The following ATP8A1 variants were observed in gnomAD, a reference collection of about 807,000 sequenced individuals.
ATP8A1 encodes the protein ATPase phospholipid transporting 8A1, also known as phospholipid-transporting ATPase IA.
Under a neutral mutation model 177.7 loss-of-function variants are expected in ATP8A1, and 90 were observed. The observed-to-expected ratio is 0.51, with a 90% CI of 0.43 to 0.60. The LOEUF is 0.60. ATP8A1 is among the 20% of genes least tolerant of loss of function. ATP8A1 has a pLI of 0.00. For synonymous variants in ATP8A1, 493 were observed against 485.9 expected (o/e 1.01, Z -0.19); for missense variants, 1,072 against 1,392.8 (o/e 0.77, Z 3.67).
chr4:42,444,935 A>C (rs1389916323), intron 31 of ATP8A1, among the ~76,000 whole-genome samples: 1 of 152,140 alleles, frequency 6.6e-6, no homozygotes, highest in Non-Finnish European at 1.5e-5. Flanking sequence ...TTTTTGTACA[A>C]TTCATGAACA....
At chr4:42,443,717 G>C (rs41265687) in intron 32 of ATP8A1, 45 bp from the exon 33 acceptor site, 1 of 834,578 alleles carries the variant, frequency 1.2e-6, no homozygotes, top group Non-Finnish European at 2.1e-6. Flanking sequence ...TATGTAGACC[G>C]AGTACACAAA....
At chr4:42,600,183 C>G (rs984907097) in intron 6 of ATP8A1, among the ~76,000 whole-genome samples, 4 of 151,628 alleles carry the variant, frequency 2.6e-5, no homozygotes, top group African/African-American at 9.7e-5. Context: ...ATGAGTAAAG[C>G]AAAAAATTAC....
chr4:42,428,163 C>T (rs1374242476), intron 33 of ATP8A1, among the ~76,000 whole-genome samples: 2 of 152,212 alleles, frequency 1.3e-5, no homozygotes, highest in Non-Finnish European at 2.9e-5. Context: ...TGTTAGCATA[C>T]AAACACCCTC....
At chr4:42,513,702 G>T (rs542402842) in intron 22 of ATP8A1, among the ~76,000 whole-genome samples, 1 of 152,312 alleles carries the variant, frequency 6.6e-6, no homozygotes, top group African/African-American at 2.4e-5. Flanking sequence ...AATGGAAATG[G>T]AAAGGTCTGT....
chr4:42,621,682 T>G (rs939864622), intron 4 of ATP8A1, among the ~76,000 whole-genome samples: 4 of 152,226 alleles, frequency 2.6e-5, no homozygotes, highest in African/African-American at 9.6e-5. Flanking sequence ...CCCATTAAAC[T>G]ACCATTCTTT....
chr4:42,488,332 T>G (rs1722402090), intron 24 of ATP8A1, among the ~76,000 whole-genome samples: 1 of 152,074 alleles, frequency 6.6e-6, no homozygotes, highest in African/African-American at 2.4e-5. Flanking sequence ...ATGTGGCTAT[T>G]AAGTAGTGAC....
At chr4:42,538,033 G>C (rs1381786456) in intron 20 of ATP8A1, among the ~76,000 whole-genome samples, 1 of 152,118 alleles carries the variant, frequency 6.6e-6, no homozygotes, top group Non-Finnish European at 1.5e-5. Flanking sequence ...TAAGGCCATA[G>C]TCACCAAAAC....
At chr4:42,580,042 G>A (rs1380890710) in intron 10 of ATP8A1, 64 bp from the exon 11 acceptor site, 2 of 1,283,482 alleles carry the variant, frequency 1.6e-6, no homozygotes, top group African/African-American at 3.0e-5. Flanking sequence ...TCTATACTTA[G>A]TATTCTGTTG....
At chr4:42,608,834 T>C (rs551197829) in intron 5 of ATP8A1, among the ~76,000 whole-genome samples, 33 of 152,190 alleles carry the variant, frequency 2.2e-4, no homozygotes, top group Non-Finnish European at 4.3e-4. Flanking sequence ...ACTATGGCTT[T>C]GACTGGGGCA....
chr4:42,507,965 AAGTGATAGTATT>A (rs933358392), intron 22 of ATP8A1, among the ~76,000 whole-genome samples: 1 of 151,970 alleles, frequency 6.6e-6, no homozygotes, highest in African/African-American at 2.4e-5. Flanking sequence ...AAGAACAACA[AAGTGATAGTATT>A]AGTCTCTGCA....
At chr4:42,520,417 T>C (rs952922439) in intron 22 of ATP8A1, among the ~76,000 whole-genome samples, 1 of 152,152 alleles carries the variant, frequency 6.6e-6, no homozygotes, top group African/African-American at 2.4e-5. Flanking sequence ...ATAGCACTAA[T>C]GCTTTAAGAT....
intron 25 of ATP8A1, among the ~76,000 whole-genome samples, chr4:42,476,365 C>T (rs1018244983): frequency 1.3e-5 from 2 of 152,076 alleles, no homozygotes; most frequent in Non-Finnish European, 2.9e-5. Context: ...GTCATCCCAG[C>T]ACTTTGGGAG....
At position 42,602,558 on chromosome 4, in the gene ATP8A1, G is replaced by A. The variant is rs184862317; in HGVS notation, c.410-2040C>T. On this transcript the variant is annotated intron_variant, in intron 5 of 36. Transcript: ENST00000381668. ...GTGAGCGGATCACCTGAGGTCAGGC[G>A]TTCGAGACCAGCCTGGCCAACATGG... Among the ~76,000 whole-genome samples the A allele has an allele frequency of 1.9e-3, 288 of 152,272 alleles. 3 individuals carry two copies. Among genetic ancestry groups the A allele is most frequent in the Non-Finnish European group, 2.2e-3 (152 of 68,016 alleles).
intron 25 of ATP8A1, among the ~76,000 whole-genome samples, chr4:42,478,277 G>A (rs1257411342): frequency 2.0e-5 from 3 of 152,032 alleles, no homozygotes; most frequent in Non-Finnish European, 4.4e-5. Flanking sequence ...GATCACTTGA[G>A]TCTGGGGCTG....
At chr4:42,617,504 G>A (rs965855263) in intron 4 of ATP8A1, among the ~76,000 whole-genome samples, 7 of 152,204 alleles carry the variant, frequency 4.6e-5, no homozygotes, top group African/African-American at 9.6e-5. Context: ...TAGAGATTTT[G>A]TAGTTACAGA....
chr4:42,488,743 T>G (rs1164491358), intron 24 of ATP8A1, among the ~76,000 whole-genome samples: 2 of 152,090 alleles, frequency 1.3e-5, no homozygotes, highest in Non-Finnish European at 2.9e-5. Context: ...TGTCCTCCTC[T>G]CCAGAGGATC....
rs572251679 is a variant in ATP8A1 at position 42,626,800 on chromosome 4, C to A, written c.164+195G>T. The A allele has an allele frequency of 2.0e-3, 1,185 of 594,650 alleles. 11 individuals are homozygous for A. The highest frequency in any genetic ancestry group is 0.016 in the South Asian group (815 of 51,496). The allele number at this position is 594,650 out of a possible 1,614,324, so 36.8% of individuals were successfully genotyped here. On this transcript the variant is annotated intron_variant, in intron 2 of 36. Coordinates refer to ENST00000381668, the MANE Select transcript of ATP8A1 (RefSeq NM_006095.2). Reference sequence around the variant, plus strand: ...AGAGGATGGGTGCTTATTCTTTCTGCTCCTCGCTATTTCCAGATTCTTATG... The same window carrying A: ...AGAGGATGGGTGCTTATTCTTTCTGATCCTCGCTATTTCCAGATTCTTATG...
At chr4:42,491,490 T>G (rs1578040397) in intron 24 of ATP8A1, among the ~76,000 whole-genome samples, 1 of 152,140 alleles carries the variant, frequency 6.6e-6, no homozygotes, top group African/African-American at 2.4e-5. Context: ...GAGGAAACCC[T>G]TGATAAAAAC....
chr4:42,424,956 T>A (rs1164422497), intron 33 of ATP8A1, among the ~76,000 whole-genome samples: 2 of 152,218 alleles, frequency 1.3e-5, no homozygotes, highest in East Asian at 3.9e-4. Context: ...AATACTCACA[T>A]AAAAGTCACT....
Sources: allele counts gnomAD v4.1 joint callset (sites outside exome capture counted in the v4.1 genomes callset), GRCh38; gene constraint gnomAD v4.1.1; transcripts MANE v1.5; gene names NCBI Gene and HGNC (gene_info 2026-07-23, HGNC 2026-07-21).